The following ABCC1 variants were observed in gnomAD, a reference collection of about 807,000 sequenced individuals.
ABCC1 encodes the protein multidrug resistance-associated protein 1.
Under a neutral mutation model 172.9 loss-of-function variants are expected in ABCC1, and 83 were observed. The ratio of observed to expected loss-of-function variants is 0.48; its 90% CI spans 0.40 to 0.58. ABCC1 has a LOEUF of 0.58. Among genes scored for constraint, ABCC1 ranks in the 20% least tolerant of loss-of-function variants. The pLI is 0.00. For synonymous variants in ABCC1, 937 were observed against 825.2 expected (o/e 1.14, Z -2.32); for missense variants, 1,817 against 2,002.7 (o/e 0.91, Z 1.77).
At chr16:16,104,677 A>C (rs2051982650) in intron 20 of ABCC1, among the ~76,000 whole-genome samples, 1 of 152,112 alleles carries the variant, frequency 6.6e-6, no homozygotes, top group Non-Finnish European at 1.5e-5. Context: ...CTCACTCCTC[A>C]GCCCTTGGGC....
At chr16:16,036,448 A>G in intron 6 of ABCC1, 24 bp from the exon 7 acceptor site, 1 of 1,605,744 alleles carries the variant, frequency 6.2e-7, no homozygotes, top group South Asian at 1.1e-5. Context: ...CTCATTGCCT[A>G]ACCCCCTTGT....
chr16:15,969,730 G>T (rs535969023), intron 1 of ABCC1, among the ~76,000 whole-genome samples: 23 of 151,988 alleles, frequency 1.5e-4, no homozygotes, highest in Non-Finnish European at 3.1e-4. Context: ...GAAATTCGAG[G>T]CAAGACTTGG....
chr16:16,038,601 T>A (rs879349432), intron 7 of ABCC1, among the ~76,000 whole-genome samples: 5 of 152,182 alleles, frequency 3.3e-5, no homozygotes, highest in Non-Finnish European at 7.3e-5. Context: ...CTCATTCAAA[T>A]GCCAGTCTCG....
At chr16:15,949,382 A>G (rs968178810), upstream of ABCC1, among the ~76,000 whole-genome samples, 28 of 151,632 alleles carry the variant, frequency 1.8e-4, no homozygotes, top group African/African-American at 6.3e-4. Flanking sequence ...AGGCGAGCCA[A>G]CGCTCCCCAG....
intron 3 of ABCC1, among the ~76,000 whole-genome samples, chr16:16,012,485 ATTTTTT>A (rs71674571): frequency 5.5e-4 from 76 of 138,690 alleles, no homozygotes; most frequent in African/African-American, 1.9e-3. Context: ...ATTAGAGTGG[ATTTTTT>A]TTTTTTTTTT....
At position 16,044,672 on chromosome 16, in the gene ABCC1, G is replaced by T. The variant is rs1183190479; in HGVS notation, c.1032G>T (p.Gln344His). 1.2e-6 allele frequency: 2 copies of T among 1,613,874 alleles called. No homozygotes were observed. Among genetic ancestry groups the T allele is most frequent in the Non-Finnish European group, 8.5e-7 (1 of 1,179,910 alleles). ...IHDLMMFSGP[Q>H]ILKLLIKFVN... ...ACCTGATGATGTTTTCCGGGCCGCA[G>T]ATCTTAAAGTAAGACCCCTTCCCTC... The change falls in exon 8 of 31, where the codon CAG becomes CAT. Residue 344 changes from glutamine to histidine, a missense_variant. By Grantham distance (24) the Gln-to-His change is conservative (BLOSUM62 0). Transcript: ENST00000399410.
At chr16:16,140,298 C>T (rs1047023802) in intron 30 of ABCC1, among the ~76,000 whole-genome samples, 1 of 152,018 alleles carries the variant, frequency 6.6e-6, no homozygotes, top group Non-Finnish European at 1.5e-5. Context: ...CTCTAAGAGC[C>T]CTATAAAGCC....
intron 5 of ABCC1, among the ~76,000 whole-genome samples, chr16:16,018,771 G>A (rs1351335736): frequency 1.6e-5 from 2 of 127,648 alleles, no homozygotes; most frequent in African/African-American, 6.2e-5. Context: ...ATGTGTGCTT[G>A]TGAGTGTGTT....
Position 15,972,787 on chromosome 16 carries a change from C to CTTTT in ABCC1, c.48+23010_48+23013dup, listed in dbSNP as rs35086205. On this transcript the variant is annotated intron_variant, in intron 1 of 30. Coordinates refer to ENST00000399410, the MANE Select transcript of ABCC1 (RefSeq NM_004996.4). ...TGTCCAACATGTACTTATTTTTTAA[C>CTTTT]TTTTTTTTTTTTTTTTTTTTTTTTT... Among the ~76,000 whole-genome samples the CTTTT allele has an allele frequency of 3.2e-3, 288 of 89,268 alleles. 4 individuals carry two copies. Among genetic ancestry groups the CTTTT allele is most frequent in the Non-Finnish European group, 4.3e-3 (212 of 48,836 alleles). The allele number at this position is 89,268 out of a possible 152,430, so 58.6% of individuals were successfully genotyped here.
chr16:16,106,471 C>T, intron 20 of ABCC1: 2 of 284,822 alleles, frequency 7.0e-6, no homozygotes, highest in Non-Finnish European at 6.4e-6. Context: ...GGGCTTTTTG[C>T]AGGCCCCCAG....
chr16:16,080,046 C>T (rs899114486), intron 16 of ABCC1, among the ~76,000 whole-genome samples: 1 of 152,086 alleles, frequency 6.6e-6, no homozygotes, highest in Non-Finnish European at 1.5e-5. Flanking sequence ...CTCCTGACCT[C>T]AAGTGATCTG....
At chr16:16,124,335 G>GTGTGTGTGTATGTGTGTGTA (rs1555502588) in intron 24 of ABCC1, among the ~76,000 whole-genome samples, 1 of 87,930 alleles carries the variant, frequency 1.1e-5, no homozygotes, top group African/African-American at 4.5e-5. Flanking sequence ...GTGTGTGTGT[G>GTGTGTGTGTATGTGTGTGTA]TGTGTGTGTG....
intron 22 of ABCC1, among the ~76,000 whole-genome samples, chr16:16,112,171 G>A (rs1021469714): frequency 6.6e-6 from 1 of 152,042 alleles, no homozygotes; most frequent in African/African-American, 2.4e-5. Context: ...GGGCAACATA[G>A]TGAGACCCTA....
intron 1 of ABCC1, among the ~76,000 whole-genome samples, chr16:16,002,026 G>C (rs1191412054): frequency 1.3e-5 from 2 of 152,178 alleles, no homozygotes; most frequent in Admixed American, 6.5e-5. Flanking sequence ...CAGAGAAAGT[G>C]ATCTTATCAA....
chr16:16,121,923 G>A lies in ABCC1; in HGVS notation c.3391-52G>A. ...TCTCCAGCACAGCCCTGCCCTGGGA[G>A]GATGGCAGGAGGGAACCTTCATCAA... is the stretch of plus-strand genomic sequence containing the variant. On this transcript the variant is annotated intron_variant, in intron 23 of 30. Coordinates refer to ENST00000399410, the MANE Select transcript of ABCC1 (RefSeq NM_004996.4). 1.9e-6 allele frequency: 3 copies of A among 1,584,108 alleles called. No homozygotes were observed. The South Asian group carries it at 3.3e-5, about 18-fold the overall frequency.
At chr16:16,115,771 A>T (rs567304898) in intron 23 of ABCC1, among the ~76,000 whole-genome samples, 2 of 152,300 alleles carry the variant, frequency 1.3e-5, no homozygotes, top group South Asian at 4.1e-4. Context: ...CTGTCATAAT[A>T]GAAATTTAGA....
rs35529209 is a variant in ABCC1 at position 16,111,468 on chromosome 16, G to C, written c.2965G>C (p.Ala989Pro). 6.2e-7 allele frequency: 1 copy of C among 1,614,082 alleles called. No homozygotes were observed. Among genetic ancestry groups the C allele is most frequent in the Non-Finnish European group, 8.5e-7 (1 of 1,180,032 alleles). ...IFLFMCNHVS[A>P]LASNYWLSLW... is the part of the protein sequence containing the mutation. ...CCTTTTCATGTGTAACCATGTGTCC[G>C]CGCTGGCTTCCAACTATTGGCTCAG... Residue 989 changes from alanine (A) to proline (P), a missense_variant, in exon 22 of 31, where the codon GCG becomes CCG. Transcript: ENST00000399410.
intron 17 of ABCC1, among the ~76,000 whole-genome samples, chr16:16,085,691 G>C (rs371555722): frequency 6.6e-6 from 1 of 152,188 alleles, no homozygotes; most frequent in Admixed American, 6.5e-5. Flanking sequence ...GAGGTGAGAG[G>C]ATTGCTTGAA....
At chr16:16,007,214 T>TTGTGTGTGTGTGTGTGTGTG (rs71388788) in intron 1 of ABCC1, among the ~76,000 whole-genome samples, 38 of 145,862 alleles carry the variant, frequency 2.6e-4, no homozygotes, top group African/African-American at 8.7e-4. Flanking sequence ...GTATGCACTG[T>TTGTGTGTGTGTGTGTGTGTG]TGTGTGTGTG....
Sources: allele counts gnomAD v4.1 joint callset (sites outside exome capture counted in the v4.1 genomes callset), GRCh38; gene constraint gnomAD v4.1.1; transcripts MANE v1.5; gene names NCBI Gene and HGNC (gene_info 2026-07-23, HGNC 2026-07-21).